The following ACOT11 variants were observed in gnomAD, a reference collection of about 807,000 sequenced individuals.
The protein encoded by ACOT11 is acyl-CoA thioesterase 11, also known as acyl-coenzyme A thioesterase 11.
Under a neutral mutation model 77.5 loss-of-function variants are expected in ACOT11, and 69 were observed. That is an observed-to-expected ratio of 0.89 (90% CI 0.73 to 1.09). The LOEUF (loss-of-function observed/expected upper bound fraction) is 1.09. Ranked by LOEUF, ACOT11 falls within the 50% of genes least tolerant of loss-of-function variation. ACOT11 has a pLI of 0.00. For missense variants in ACOT11, 766 were observed against 813.7 expected, an observed-to-expected ratio of 0.94 and a Z score of 0.71; for synonymous variants, 279 against 313.0, an observed-to-expected ratio of 0.89 and a Z score of 1.15.
chr1:54,555,063 A>G (rs563346339), intron 1 of ACOT11, among the ~76,000 whole-genome samples: 1 of 152,264 alleles, frequency 6.6e-6, no homozygotes, highest in South Asian at 2.1e-4. Context: ...GGTTCAAGTG[A>G]TTCTCCTGCC....
chr1:54,614,881 C>G (rs1259523478), downstream of ACOT11: 1 of 1,609,386 alleles, frequency 6.2e-7, no homozygotes, highest in Non-Finnish European at 8.5e-7. Context: ...GGAACAAGGG[C>G]TTGGGGAAAT....
intron 9 of ACOT11, among the ~76,000 whole-genome samples, chr1:54,601,938 A>G (rs1643969436): frequency 6.6e-6 from 1 of 152,228 alleles, no homozygotes; most frequent in African/African-American, 2.4e-5. Flanking sequence ...GTCCTCTCTT[A>G]CAAAATGCTC....
At chr1:54,562,223 C>T (rs1183022924) in intron 1 of ACOT11, among the ~76,000 whole-genome samples, 12 of 94,264 alleles carry the variant, frequency 1.3e-4, no homozygotes, top group African/African-American at 1.8e-4. Flanking sequence ...GGAGGGCTGA[C>T]CCCCCCACCT....
intron 16 of ACOT11, among the ~76,000 whole-genome samples, chr1:54,633,449 A>T (rs1378716180): frequency 6.6e-6 from 1 of 152,242 alleles, no homozygotes; most frequent in Non-Finnish European, 1.5e-5. Context: ...ATTCCAAAAA[A>T]TTGGCCTTTT....
chr1:54,589,498 T>C, intron 3 of ACOT11, among the ~76,000 whole-genome samples: 1 of 152,050 alleles, frequency 6.6e-6, no homozygotes, highest in East Asian at 1.9e-4. Flanking sequence ...CAAGATGGAG[T>C]CTTGCTCTGT....
exon 17 of ACOT11, chr1:54,637,325 A>T (rs992873953): frequency 1.2e-4 from 19 of 152,176 alleles, no homozygotes; most frequent in African/African-American, 4.6e-4. Context: ...TCTACTAAAA[A>T]TATGAAAATT....
In ACOT11 at chr1:54,607,968, C is replaced by T. The variant is rs140228757; in HGVS notation, c.1529C>T (p.Ser510Leu). The T allele has an allele frequency of 9.9e-6, 16 of 1,613,720 alleles. No individual in the cohort carries two copies. The highest frequency in any genetic ancestry group is 3.3e-5 in the South Asian group (3 of 91,052). ...GACCCCTATGTCATCGCGCTGAGGT[C>T]GGTCACGCTGCCCACACACCGAGAG... The part of the protein sequence containing the change: ...NGDPYVIALR[S>L]VTLPTHRETP... The change falls in exon 15 of 16, where the codon TCG (serine) becomes TTG (leucine). Residue 510 changes from serine to leucine, a missense_variant. Ser to Leu is a moderately radical substitution (Grantham distance 145, BLOSUM62 -2). Transcript: ENST00000343744. The surrounding 1 kb of genome is among the most constrained non-coding windows in gnomAD (Gnocchi z 4.5).
intron 16 of ACOT11, chr1:54,631,020 T>C (rs1409430131): frequency 2.3e-6 from 1 of 438,236 alleles, no homozygotes; most frequent in African/African-American, 2.0e-5. Flanking sequence ...CAGAAGAGGT[T>C]ACAGAGCATG....
At chr1:54,602,556 C>A (rs867055497) in intron 9 of ACOT11, 113 bp from the exon 10 acceptor site, 6 of 1,028,750 alleles carry the variant, frequency 5.8e-6, no homozygotes, top group Non-Finnish European at 7.9e-6. Flanking sequence ...GCTGCCCCAG[C>A]GACACCTGAA....
intron 1 of ACOT11, among the ~76,000 whole-genome samples, chr1:54,579,958 T>G (rs1654246459): frequency 6.6e-6 from 1 of 152,172 alleles, no homozygotes; most frequent in Non-Finnish European, 1.5e-5. Flanking sequence ...CCAGCTGTAT[T>G]TCTGTAGAAA....
chr1:54,587,476 G>GCAC (rs1654544918), intron 3 of ACOT11, among the ~76,000 whole-genome samples: 1 of 149,120 alleles, frequency 6.7e-6, no homozygotes, highest in South Asian at 2.2e-4. Context: ...TCGCACCACT[G>GCAC]CACTCCAGCC....
chr1:54,567,066 T>C (rs982768217), intron 1 of ACOT11, among the ~76,000 whole-genome samples: 2 of 152,148 alleles, frequency 1.3e-5, no homozygotes, highest in African/African-American at 2.4e-5. Flanking sequence ...AATACCCATA[T>C]ATGTTAGTGT....
chr1:54,632,458 T>C (rs1029331023), intron 16 of ACOT11, among the ~76,000 whole-genome samples: 1 of 152,222 alleles, frequency 6.6e-6, no homozygotes, highest in African/African-American at 2.4e-5. Flanking sequence ...TTAAAAGGTA[T>C]ACAAATACAT....
chr1:54,555,465 AT>A (rs1227532861), intron 1 of ACOT11, among the ~76,000 whole-genome samples: 1 of 151,448 alleles, frequency 6.6e-6, no homozygotes, highest in South Asian at 2.1e-4. Flanking sequence ...TTCTTTGTAT[AT>A]TTTGGATGTT....
At position 54,607,975 on chromosome 1, in the gene ACOT11, G is replaced by A. The variant is rs546732672; in HGVS notation, c.1536G>A (p.Thr512=). The A allele has an allele frequency of 1.5e-5, 25 of 1,613,708 alleles. No individual in the cohort carries two copies. The highest frequency in any genetic ancestry group is 1.7e-4 in the Middle Eastern group (1 of 6,060). ...ATGTCATCGCGCTGAGGTCGGTCACGCTGCCCACACACCGAGAGACGCCAG... is the reference window on the plus strand; with the variant it reads ...ATGTCATCGCGCTGAGGTCGGTCACACTGCCCACACACCGAGAGACGCCAG... ...DPYVIALRSV[T]LPTHRETPEY... Residue 512 remains threonine (T), a synonymous_variant, in exon 15 of 16, where the codon ACG becomes ACA. Coordinates refer to ENST00000343744, the MANE Select transcript of ACOT11 (RefSeq NM_147161.4). This position sits in a 1 kb window ranked among gnomAD's most constrained non-coding sequence, Gnocchi z 4.5.
chr1:54,551,033 G>A (rs375671161), intron 1 of ACOT11, among the ~76,000 whole-genome samples: 1 of 151,422 alleles, frequency 6.6e-6, no homozygotes, highest in East Asian at 1.9e-4. Flanking sequence ...CCAGCTACTC[G>A]GGATGCCGAG....
At chr1:54,615,922 G>T in intron 15 of ACOT11, 1 of 1,292,920 alleles carries the variant, frequency 7.7e-7, no homozygotes, top group Non-Finnish European at 1.1e-6. Context: ...AGCACCTCGT[G>T]TCAGGGCTGG....
intron 1 of ACOT11, among the ~76,000 whole-genome samples, chr1:54,562,563 T>A (rs1174787713): frequency 8.7e-5 from 12 of 137,664 alleles, no homozygotes; most frequent in South Asian, 2.4e-4. Context: ...CCCACCTCCC[T>A]CCCGGACGGG....
Position 54,572,348 on chromosome 1 carries a change from G to A in ACOT11, c.34-12307G>A, listed in dbSNP as rs78141545. 3.8e-3 allele frequency among the ~76,000 whole-genome samples: 585 copies of A among 152,238 alleles called. 3 individuals carry two copies. The highest frequency in any genetic ancestry group is 0.013 in the African/African-American group (557 of 41,544). On this transcript the variant is annotated intron_variant, in intron 1 of 15. Transcript: ENST00000343744. ...AGTTGCTTGCAGGATGGTAGGGCCC[G>A]GGTCCATTGCCTGGCCACCTGTTGC...
Sources: gnomAD v4.1 joint callset for allele counts (sites outside exome capture counted in the v4.1 genomes callset) on GRCh38, gnomAD v4.1.1 for gene constraint, Gnocchi (gnomAD v3.1) non-coding constraint, MANE v1.5 for transcripts, NCBI Gene and HGNC (gene_info 2026-07-23, HGNC 2026-07-21) for gene names.